Variants in UNC13C observed in about 807,000 individuals in gnomAD.
The protein encoded by UNC13C is unc-13 homolog C, also known as protein unc-13 homolog C.
A neutral mutation model predicts 245.4 loss-of-function variants in UNC13C; 174 were observed. The ratio of observed to expected loss-of-function variants is 0.71; its 90% CI spans 0.63 to 0.80. UNC13C has a LOEUF of 0.80. Among genes scored for constraint, UNC13C ranks in the 30% least tolerant of loss-of-function variants. UNC13C has a pLI of 0.00. For missense variants in UNC13C, 2,829 were observed against 2,602.9 expected, an observed-to-expected ratio of 1.09 and a Z score of -1.89; for synonymous variants, 992 against 895.1, an observed-to-expected ratio of 1.11 and a Z score of -1.93.
At chr15:54,411,855 A>G (rs1235243600) in intron 18 of UNC13C, among the ~76,000 whole-genome samples, 2 of 152,160 alleles carry the variant, frequency 1.3e-5, no homozygotes, top group Non-Finnish European at 2.9e-5. Context: ...TTTGATTGAG[A>G]TTGCATTGAA....
intron 2 of UNC13C, among the ~76,000 whole-genome samples, chr15:54,137,547 A>T (rs1298288775): frequency 6.6e-6 from 1 of 152,154 alleles, no homozygotes; most frequent in African/African-American, 2.4e-5. Context: ...ATGATTCAGT[A>T]TTGGTAGGTT....
intron 18 of UNC13C, among the ~76,000 whole-genome samples, chr15:54,410,064 C>A: frequency 6.6e-6 from 1 of 152,150 alleles, no homozygotes; most frequent in East Asian, 1.9e-4. Context: ...CAATGATTGC[C>A]ATTCTGACCA....
intron 4 of UNC13C, among the ~76,000 whole-genome samples, chr15:54,203,134 C>A (rs2034575855): frequency 1.3e-5 from 2 of 151,934 alleles, no homozygotes; most frequent in Admixed American, 6.6e-5. Context: ...GCAATACCAT[C>A]TCACTGCTGC....
intron 18 of UNC13C, among the ~76,000 whole-genome samples, chr15:54,411,556 A>C (rs1169727751): frequency 6.6e-6 from 1 of 151,944 alleles, no homozygotes; most frequent in Non-Finnish European, 1.5e-5. Context: ...TCTTTTTTGC[A>C]TGTGGTTATT....
rs548134964 is a variant in UNC13C, at chr15:53,982,174, G to A, written c.-257+3247G>A. 1.2e-4 allele frequency among the ~76,000 whole-genome samples: 19 copies of A among 152,178 alleles called. 1 individual carries two copies. In the South Asian group the frequency reaches 3.9e-3, roughly 32 times the overall value. ...ATTTTCACAATCCCATCTTCAGCCTGTCTTTTGCTCCCAACAGCCAATTTT... is the reference window on the plus strand; with the variant it reads ...ATTTTCACAATCCCATCTTCAGCCTATCTTTTGCTCCCAACAGCCAATTTT... On this transcript the variant is annotated intron_variant, in intron 1 of 32. Coordinates refer to ENST00000260323, the MANE Select transcript of UNC13C (RefSeq NM_001080534.3).
intron 4 of UNC13C, among the ~76,000 whole-genome samples, chr15:54,206,587 C>T (rs1331955277): frequency 6.6e-6 from 1 of 152,078 alleles, no homozygotes; most frequent in Non-Finnish European, 1.5e-5. Flanking sequence ...TTAGACAAAA[C>T]AGATCATCCT....
chr15:54,373,173 T>G (rs1158702105), intron 17 of UNC13C, among the ~76,000 whole-genome samples: 1 of 152,264 alleles, frequency 6.6e-6, no homozygotes, highest in East Asian at 1.9e-4. Context: ...AGCTCTTCAC[T>G]GGAAATTAAG....
At chr15:54,242,050 A>G (rs1439570957) in intron 7 of UNC13C, among the ~76,000 whole-genome samples, 2 of 152,158 alleles carry the variant, frequency 1.3e-5, no homozygotes, top group Admixed American at 1.3e-4. Flanking sequence ...TGATTTTCTT[A>G]TATGTTTACT....
chr15:54,622,719 T>TTAAG (rs1188084393), intron 31 of UNC13C, among the ~76,000 whole-genome samples: 4 of 152,198 alleles, frequency 2.6e-5, no homozygotes, highest in East Asian at 1.9e-4. Context: ...ACTTTAAATA[T>TTAAG]TAAGTCAGTA....
chr15:54,062,676 A>G (rs1897896863), intron 2 of UNC13C, among the ~76,000 whole-genome samples: 1 of 152,192 alleles, frequency 6.6e-6, no homozygotes, highest in Non-Finnish European at 1.5e-5. Context: ...AGCATCAACA[A>G]GGGAGCTTGA....
the UNC13C span, among the ~76,000 whole-genome samples, chr15:53,873,573 A>T: frequency 6.6e-6 from 1 of 152,136 alleles, no homozygotes; most frequent in Non-Finnish European, 1.5e-5. Flanking sequence ...TCAGAAGGCA[A>T]ATCATCTAGC....
chr15:54,430,040 T>A (rs559715431), intron 19 of UNC13C, among the ~76,000 whole-genome samples: 1 of 151,826 alleles, frequency 6.6e-6, no homozygotes, highest in Admixed American at 6.6e-5. Flanking sequence ...AATGTTTGTA[T>A]AACTATCGCT....
chr15:53,876,955 G>A, the UNC13C span, among the ~76,000 whole-genome samples: 2 of 152,154 alleles, frequency 1.3e-5, no homozygotes, highest in African/African-American at 4.8e-5. Flanking sequence ...AGTAAATCAC[G>A]GCATTTCTGT....
At chr15:53,922,147 A>G in the UNC13C span, among the ~76,000 whole-genome samples, 1 of 152,210 alleles carries the variant, frequency 6.6e-6, no homozygotes. Flanking sequence ...CTGGTTTTTA[A>G]AAAGCAATGG....
intron 13 of UNC13C, among the ~76,000 whole-genome samples, chr15:54,304,681 T>G (rs1300365818): frequency 6.7e-6 from 1 of 149,450 alleles, no homozygotes; most frequent in Admixed American, 6.7e-5. Context: ...AACCCTTACC[T>G]GATCTTGTCC....
At chr15:54,585,248 C>G (rs1227407770) in intron 30 of UNC13C, among the ~76,000 whole-genome samples, 2 of 152,090 alleles carry the variant, frequency 1.3e-5, no homozygotes, top group African/African-American at 4.8e-5. Flanking sequence ...GGCTTGGTAC[C>G]CTCCTCATGG....
intron 2 of UNC13C, among the ~76,000 whole-genome samples, chr15:54,120,138 C>T: frequency 6.6e-6 from 1 of 152,148 alleles, no homozygotes; most frequent in East Asian, 1.9e-4. Context: ...AAACAGCCTT[C>T]TATTGGACGA....
At chr15:54,546,876 T>C in intron 27 of UNC13C, 31 bp downstream of exon 27, 2 of 1,543,086 alleles carry the variant, frequency 1.3e-6, no homozygotes, top group Non-Finnish European at 1.7e-6. Flanking sequence ...TATGCTTTCA[T>C]TAACCCATCT....
At chr15:54,476,302 C>G (rs1199234328) in intron 19 of UNC13C, among the ~76,000 whole-genome samples, 8 of 145,338 alleles carry the variant, frequency 5.5e-5, no homozygotes, top group Non-Finnish European at 1.2e-4. Context: ...TGCAGAAGCT[C>G]TTTAGTTTAA....
Sources: allele counts gnomAD v4.1 joint callset (sites outside exome capture counted in the v4.1 genomes callset), GRCh38; gene constraint gnomAD v4.1.1; transcripts MANE v1.5; gene names NCBI Gene and HGNC (gene_info 2026-07-23, HGNC 2026-07-21).